The following PCDH9 variants were observed in gnomAD, a reference collection of about 807,000 sequenced individuals.
PCDH9 encodes protocadherin 9, also known as protocadherin-9.
A neutral mutation model predicts 70.6 loss-of-function variants in PCDH9; 24 were observed. That is an observed-to-expected ratio of 0.34 (90% CI 0.25 to 0.48). The LOEUF (loss-of-function observed/expected upper bound fraction) is 0.48, where lower values mean the gene tolerates loss of function less well. Ranked by LOEUF, PCDH9 falls within the 20% of genes least tolerant of loss-of-function variation. The pLI is 0.99. For synonymous variants in PCDH9, 562 were observed against 558.5 expected, an observed-to-expected ratio of 1.01 and a Z score of -0.09; for missense variants, 1,281 against 1,503.6, an observed-to-expected ratio of 0.85 and a Z score of 2.45.
intron 4 of PCDH9, among the ~76,000 whole-genome samples, chr13:66,572,784 G>A (rs1459878253): frequency 6.6e-6 from 1 of 151,858 alleles, no homozygotes; most frequent in Non-Finnish European, 1.5e-5. Flanking sequence ...TCTTGAGACA[G>A]GGCCTTGCTG....
chr13:67,056,963 CTG>C (rs2085432941), intron 2 of PCDH9, among the ~76,000 whole-genome samples: 1 of 152,232 alleles, frequency 6.6e-6, no homozygotes, highest in African/African-American at 2.4e-5. Flanking sequence ...ATTATTTATA[CTG>C]TGTCTATATT....
At chr13:66,907,897 T>C (rs1242356143) in intron 2 of PCDH9, among the ~76,000 whole-genome samples, 1 of 152,210 alleles carries the variant, frequency 6.6e-6, no homozygotes, top group East Asian at 1.9e-4. Context: ...GCAATAGTTT[T>C]GTACTTTTGT....
At chr13:66,436,755 T>C (rs1337942915) in intron 4 of PCDH9, among the ~76,000 whole-genome samples, 4 of 152,158 alleles carry the variant, frequency 2.6e-5, no homozygotes, top group Non-Finnish European at 5.9e-5. Context: ...CTTTAGATTG[T>C]ATAAAGTTAT....
At chr13:66,881,244 C>T (rs2081916384) in intron 3 of PCDH9, among the ~76,000 whole-genome samples, 1 of 152,138 alleles carries the variant, frequency 6.6e-6, no homozygotes, top group Non-Finnish European at 1.5e-5. Context: ...TGCTAATAAA[C>T]ACATACCCAA....
At chr13:66,452,400 A>G (rs965880637) in intron 4 of PCDH9, among the ~76,000 whole-genome samples, 1 of 151,996 alleles carries the variant, frequency 6.6e-6, no homozygotes, top group African/African-American at 2.4e-5. Flanking sequence ...ACATTTTAGC[A>G]TTTTCCCCAT....
At chr13:66,580,608 T>C (rs1435665469) in intron 4 of PCDH9, among the ~76,000 whole-genome samples, 1 of 151,228 alleles carries the variant, frequency 6.6e-6, no homozygotes, top group Admixed American at 6.6e-5. Flanking sequence ...CTTTAGAACA[T>C]TTTTATCACC....
intron 3 of PCDH9, among the ~76,000 whole-genome samples, chr13:66,748,579 T>C (rs2139220345): frequency 6.6e-6 from 1 of 152,280 alleles, no homozygotes; most frequent in South Asian, 2.1e-4. Context: ...CTTGATCACA[T>C]GAAGATGTAG....
At chr13:66,569,695 G>A (rs1347987732) in intron 4 of PCDH9, among the ~76,000 whole-genome samples, 1 of 152,066 alleles carries the variant, frequency 6.6e-6, no homozygotes, top group Non-Finnish European at 1.5e-5. Context: ...AATATTCAGA[G>A]CATTTATAGG....
intron 2 of PCDH9, among the ~76,000 whole-genome samples, chr13:66,964,174 C>T (rs115103904): frequency 1.3e-5 from 2 of 152,002 alleles, no homozygotes; most frequent in African/African-American, 4.8e-5. Flanking sequence ...ATTATACAGA[C>T]ATGTAACAAA....
At chr13:66,949,871 GA>G (rs1226986593) in intron 2 of PCDH9, among the ~76,000 whole-genome samples, 1 of 151,886 alleles carries the variant, frequency 6.6e-6, no homozygotes, top group Non-Finnish European at 1.5e-5. Flanking sequence ...ATATATAAAA[GA>G]AAGAAAACAG....
intron 4 of PCDH9, among the ~76,000 whole-genome samples, chr13:66,463,475 AG>A (rs768531800): frequency 5.9e-5 from 9 of 151,900 alleles, no homozygotes; most frequent in Non-Finnish European, 8.8e-5. Context: ...GAGAAAAAAA[AG>A]AGAGGAGAGA....
intron 3 of PCDH9, among the ~76,000 whole-genome samples, chr13:66,637,571 C>T (rs2077654889): frequency 6.6e-6 from 1 of 152,132 alleles, no homozygotes; most frequent in South Asian, 2.1e-4. Context: ...TAAAATGGCT[C>T]CACTAATGTA....
intron 3 of PCDH9, among the ~76,000 whole-genome samples, chr13:66,703,759 A>C (rs960655348): frequency 1.3e-5 from 2 of 151,972 alleles, no homozygotes; most frequent in African/African-American, 4.8e-5. Context: ...GTATCCAGGC[A>C]TAGTGGTGAG....
At chr13:67,122,540 C>T (rs9541009) in intron 2 of PCDH9, among the ~76,000 whole-genome samples, 3,123 of 151,712 alleles carry the variant, frequency 0.021, 54 homozygotes, top group Non-Finnish European at 0.035. Context: ...TTTGGGAGGT[C>T]GAGGTGGGCG....
chr13:66,392,382 C>G (rs1196319962), intron 4 of PCDH9, among the ~76,000 whole-genome samples: 1 of 151,968 alleles, frequency 6.6e-6, no homozygotes, highest in East Asian at 1.9e-4. Flanking sequence ...TTATATAGCT[C>G]TCATAATTTT....
intron 2 of PCDH9, among the ~76,000 whole-genome samples, chr13:66,967,895 G>A (rs2083456605): frequency 6.6e-6 from 1 of 151,884 alleles, no homozygotes; most frequent in Non-Finnish European, 1.5e-5. Flanking sequence ...TTGAAGCCCT[G>A]GTACCTGGCA....
rs549586416 is a variant in PCDH9, at chr13:67,087,926, G to A, written c.3036+137479C>T. On this transcript the variant is annotated intron_variant, in intron 2 of 4. Coordinates refer to ENST00000377865, the MANE Select transcript of PCDH9 (RefSeq NM_203487.3). The stretch of plus-strand genomic sequence containing the variant: ...TGTTTAGTATTCTGTGGATACTCCC[G>A]CACCAAATTGTAACAGTTCTGAAGG... Among the ~76,000 whole-genome samples the A allele has an allele frequency of 6.6e-5, 10 of 152,006 alleles. No homozygotes were observed. The East Asian group carries it at 7.7e-4, about 12-fold the overall frequency.
At chr13:66,820,427 G>T (rs1421115351) in intron 3 of PCDH9, among the ~76,000 whole-genome samples, 2 of 152,138 alleles carry the variant, frequency 1.3e-5, no homozygotes, top group Non-Finnish European at 2.9e-5. Flanking sequence ...AACCATTGTG[G>T]AAGACAGTGT....
intron 2 of PCDH9, among the ~76,000 whole-genome samples, chr13:67,040,247 T>C (rs2085086032): frequency 6.6e-6 from 1 of 152,100 alleles, no homozygotes; most frequent in African/African-American, 2.4e-5. Context: ...TATTCAGAGG[T>C]GGGGTCTTTG....
Sources: gnomAD v4.1 joint callset for allele counts (sites outside exome capture counted in the v4.1 genomes callset) on GRCh38, gnomAD v4.1.1 for gene constraint, MANE v1.5 for transcripts, NCBI Gene and HGNC (gene_info 2026-07-23, HGNC 2026-07-21) for gene names.